The following EIF2A variants were observed in gnomAD, a reference collection of about 807,000 sequenced individuals.
EIF2A encodes the protein 65 kDa eukaryotic translation initiation factor 2A.
EIF2A carries 62 observed loss-of-function variants against 75.2 expected under a neutral mutation model. The ratio of observed to expected loss-of-function variants is 0.82; its 90% CI spans 0.67 to 1.02. The LOEUF is 1.02. Among genes scored for constraint, EIF2A ranks in the 50% least tolerant of loss-of-function variants. EIF2A has a pLI of 0.00. For missense variants in EIF2A, 611 were observed against 677.7 expected, an observed-to-expected ratio of 0.90 and a Z score of 1.09; for synonymous variants, 207 against 239.0, an observed-to-expected ratio of 0.87 and a Z score of 1.23.
Position 150,565,555 on chromosome 3 carries a change from C to A in EIF2A, c.475+1174C>A, listed in dbSNP as rs916025919. 3.3e-5 allele frequency among the ~76,000 whole-genome samples: 5 copies of A among 152,202 alleles called. No individual in the cohort carries two copies. In the South Asian group the frequency reaches 8.3e-4, roughly 25 times the overall value. ...CCACCTCTAGCAACCTTCATTGTAACCAATTAGCTTTTTCCCCATTCTTGT... is the reference window on the plus strand; with the variant it reads ...CCACCTCTAGCAACCTTCATTGTAAACAATTAGCTTTTTCCCCATTCTTGT... On this transcript the variant is annotated intron_variant, in intron 6 of 13. Coordinates refer to ENST00000460851, the MANE Select transcript of EIF2A (RefSeq NM_032025.5).
chr3:150,546,991 C>A, intron 1 of EIF2A, 161 bp downstream of exon 1: 2 of 928,904 alleles, frequency 2.2e-6, no homozygotes, highest in Non-Finnish European at 3.2e-6. Flanking sequence ...GCGTGGCAAT[C>A]GGAAGTGAAG....
At chr3:150,555,014 A>G (rs1373678375) in intron 2 of EIF2A, among the ~76,000 whole-genome samples, 10 of 152,192 alleles carry the variant, frequency 6.6e-5, no homozygotes, top group African/African-American at 2.4e-4. Context: ...TGTAGCCTCA[A>G]TCTCCCAGGC....
At chr3:150,579,962 A>T (rs1725081539) in intron 11 of EIF2A, among the ~76,000 whole-genome samples, 1 of 143,086 alleles carries the variant, frequency 7.0e-6, no homozygotes, top group South Asian at 2.4e-4. Context: ...TACTTACATA[A>T]TTTTTTCCCC....
intron 11 of EIF2A, among the ~76,000 whole-genome samples, chr3:150,577,265 G>A (rs1576605720): frequency 6.6e-6 from 1 of 152,112 alleles, no homozygotes; most frequent in African/African-American, 2.4e-5. Context: ...ATTACATTGG[G>A]TATTAGGTCC....
In EIF2A at chr3:150,563,552, A is replaced by G; in HGVS notation, c.330A>G (p.Gln110=). Residue 110 remains glutamine, a synonymous_variant, in exon 5 of 14, where the codon CAA becomes CAG. Coordinates refer to ENST00000460851, the MANE Select transcript of EIF2A (RefSeq NM_032025.5). ...GCACAGCTGGGATACCCAACCTACA[A>G]CTTTATGATGTGAAAACTGGGACAT... ...KDGTAGIPNL[Q]LYDVKTGTCL... The G allele has an allele frequency of 1.3e-6, 2 of 1,545,266 alleles. No individual in the cohort carries two copies. Among genetic ancestry groups the G allele is most frequent in the East Asian group, 2.4e-5 (1 of 41,178 alleles).
In EIF2A at chr3:150,562,661, G is replaced by GT. The variant is rs1257766600; in HGVS notation, c.292+2dup. ...CTGGCAACGTGGCAGCCTTACACTA[G>GT]TAAGTATTTTCTCAGTGTAAAAATA... On this transcript the variant is annotated splice_donor_variant, in intron 4 of 13. Coordinates refer to ENST00000460851, the MANE Select transcript of EIF2A (RefSeq NM_032025.5). LOFTEE classifies it high-confidence loss of function. 1.1e-5 allele frequency: 17 copies of GT among 1,606,334 alleles called. No homozygotes were observed. The highest frequency in any genetic ancestry group is 1.4e-5 in the Non-Finnish European group (17 of 1,174,678).
intron 3 of EIF2A, among the ~76,000 whole-genome samples, chr3:150,559,284 G>A (rs140395926): frequency 1.4e-3 from 217 of 152,234 alleles, no homozygotes; most frequent in Non-Finnish European, 2.4e-3. Flanking sequence ...TGTTGAATTA[G>A]TTGATTCACC....
chr3:150,572,855 CA>C (rs774758560), intron 10 of EIF2A, among the ~76,000 whole-genome samples: 8,132 of 101,904 alleles, frequency 0.08, 212 homozygotes, highest in Non-Finnish European at 0.11. Flanking sequence ...GACTCCGTCT[CA>C]AAAAAAAAAA....
At chr3:150,557,435 C>T (rs1723624539) in intron 2 of EIF2A, 1 of 159,856 alleles carries the variant, frequency 6.3e-6, no homozygotes, top group African/African-American at 2.4e-5. Flanking sequence ...GTGGTGGAGT[C>T]TCACTCTTTC....
intron 12 of EIF2A, among the ~76,000 whole-genome samples, chr3:150,582,874 G>A (rs1384081083): frequency 6.6e-6 from 1 of 152,098 alleles, no homozygotes; most frequent in African/African-American, 2.4e-5. Flanking sequence ...TGCTCTCATT[G>A]AGATTTCTCT....
Position 150,571,944 on chromosome 3 carries a change from TA to T in EIF2A, c.812-13del, listed in dbSNP as rs1559882738. 1 of 1,590,252 alleles carries T rather than the reference TA, an allele frequency of 6.3e-7. No individual in the cohort carries two copies. The highest frequency in any genetic ancestry group is 1.4e-5 in the African/African-American group (1 of 73,692). The stretch of plus-strand genomic sequence containing the variant: ...TTCTTTATTGCTAATTTGGGCTTTA[TA>T]TTCTTTTTCTAGCAAAAAATGGCCC... On this transcript the variant is annotated splice_polypyrimidine_tract_variant and intron_variant, in intron 9 of 13. Transcript: ENST00000460851.
chr3:150,570,038 G>A (rs895149081), intron 9 of EIF2A, among the ~76,000 whole-genome samples: 2 of 152,088 alleles, frequency 1.3e-5, no homozygotes, highest in African/African-American at 4.8e-5. Flanking sequence ...CGAAACAAAA[G>A]GTTATTATCT....
At chr3:150,576,880 C>G (rs1724902691) in intron 11 of EIF2A, among the ~76,000 whole-genome samples, 1 of 152,214 alleles carries the variant, frequency 6.6e-6, no homozygotes, top group Non-Finnish European at 1.5e-5. Flanking sequence ...AAATAATTGA[C>G]AAATTGTGAT....
intron 4 of EIF2A, 41 bp downstream of exon 4, chr3:150,562,701 A>G (rs749288979): frequency 4.9e-5 from 73 of 1,478,188 alleles, no homozygotes; most frequent in Non-Finnish European, 6.3e-5. Context: ...GACACGATCA[A>G]TTACGTTTAG....
intron 6 of EIF2A, chr3:150,566,204 C>A (rs1241553613): frequency 2.0e-5 from 3 of 152,098 alleles, no homozygotes; most frequent in Non-Finnish European, 4.4e-5. Flanking sequence ...ATCAATTAAT[C>A]CTTAGTGACT....
Position 150,568,047 on chromosome 3 carries a change from G to A in EIF2A, c.694+1G>A. On this transcript the variant is annotated splice_donor_variant, in intron 8 of 13. Transcript: ENST00000460851. LOFTEE classifies it high-confidence loss of function. ...GTTACAATGCTGTGGAATAAAAAAG[G>A]TATGTTAAGTATATTTTATCCCTCC... 1 of 1,606,356 alleles carries A rather than the reference G, an allele frequency of 6.2e-7. No individual in the cohort carries two copies. Among genetic ancestry groups the A allele is most frequent in the Non-Finnish European group, 8.5e-7 (1 of 1,177,506 alleles).
intron 3 of EIF2A, among the ~76,000 whole-genome samples, chr3:150,559,068 G>A (rs897845909): frequency 3.9e-5 from 6 of 152,076 alleles, no homozygotes; most frequent in Non-Finnish European, 8.8e-5. Flanking sequence ...CCATGCAAAT[G>A]CCCAAATATT....
chr3:150,566,103 C>G (rs1724170167), intron 6 of EIF2A: 1 of 152,060 alleles, frequency 6.6e-6, no homozygotes, highest in Admixed American at 6.6e-5. Context: ...CCTTTTTAGT[C>G]CCATTCTTAA....
chr3:150,554,891 G>A (rs932479937), intron 2 of EIF2A, among the ~76,000 whole-genome samples: 1 of 152,124 alleles, frequency 6.6e-6, no homozygotes, highest in African/African-American at 2.4e-5. Flanking sequence ...CCAACTTACT[G>A]AATCAGAATC....
Sources: allele counts gnomAD v4.1 joint callset (sites outside exome capture counted in the v4.1 genomes callset), GRCh38; gene constraint gnomAD v4.1.1; transcripts MANE v1.5; gene names NCBI Gene and HGNC (gene_info 2026-07-23, HGNC 2026-07-21).